CHRNA9: variants seen among roughly 807,000 people sequenced by gnomAD.
CHRNA9 encodes cholinergic receptor nicotinic alpha 9 subunit, also known as neuronal acetylcholine receptor subunit alpha-9.
CHRNA9 carries 24 observed loss-of-function variants against 36.8 expected under a neutral mutation model. The ratio of observed to expected loss-of-function variants is 0.65; its 90% CI spans 0.47 to 0.92. The LOEUF (loss-of-function observed/expected upper bound fraction) is 0.92, where lower values mean the gene tolerates loss of function less well. Among genes scored for constraint, CHRNA9 ranks in the 40% least tolerant of loss-of-function variants. CHRNA9 has a pLI of 0.00. For synonymous variants in CHRNA9, 231 were observed against 231.8 expected (o/e 1.00, Z 0.03); for missense variants, 610 against 601.2 (o/e 1.01, Z -0.15).
chr4:40,351,510 C>T (rs1712805579), intron 4 of CHRNA9, among the ~76,000 whole-genome samples: 1 of 152,006 alleles, frequency 6.6e-6, no homozygotes, highest in African/African-American at 2.4e-5. Flanking sequence ...GCCCACAGAT[C>T]TCTTGAGAAC....
chr4:40,339,595 G>A (rs776908301), intron 3 of CHRNA9, among the ~76,000 whole-genome samples: 59 of 151,218 alleles, frequency 3.9e-4, no homozygotes, highest in Non-Finnish European at 7.7e-4. Context: ...GAACCCGGGA[G>A]GCGGAGCTTG....
chr4:40,341,287 T>C (rs1021701515), intron 3 of CHRNA9, among the ~76,000 whole-genome samples: 4 of 151,828 alleles, frequency 2.6e-5, no homozygotes, highest in Non-Finnish European at 4.4e-5. Context: ...TTTTTTTTTG[T>C]TTTTTGGCGG....
intron 3 of CHRNA9, among the ~76,000 whole-genome samples, chr4:40,347,325 G>C (rs6819483): frequency 0.17 from 25,730 of 152,086 alleles, 2,794 homozygotes; most frequent in Non-Finnish European, 0.24. Context: ...CTTAAGGAAA[G>C]GGTCAGTGGA....
intron 4 of CHRNA9, among the ~76,000 whole-genome samples, chr4:40,353,427 G>A (rs1000053780): frequency 2.6e-5 from 4 of 151,744 alleles, no homozygotes; most frequent in Non-Finnish European, 5.9e-5. Context: ...GGAGCCAGAG[G>A]TTGCAGTGAG....
Position 40,349,217 on chromosome 4 carries a change from A to AGAG in CHRNA9, c.706_708dup (p.Arg236dup). ...GATGTCACATTCACCCTCCTTCTGA[A>AGAG]GAGGAGGTCCTCGTTCTATATCGTC... is the stretch of plus-strand genomic sequence containing the variant. On this transcript the variant is annotated inframe_insertion, in exon 4 of 5. Transcript: ENST00000310169. 6.2e-7 allele frequency: 1 copy of AGAG among 1,614,022 alleles called. No homozygotes were observed. Among genetic ancestry groups the AGAG allele is most frequent in the Admixed American group, 1.7e-5 (1 of 60,020 alleles).
Position 40,353,975 on chromosome 4 carries a change from C to T in CHRNA9, c.899-4C>T, listed in dbSNP as rs1485810273. 2 of 1,573,802 alleles carry T rather than the reference C, an allele frequency of 1.3e-6. No homozygotes were observed. The highest frequency in any genetic ancestry group is 1.1e-5 in the South Asian group (1 of 87,182). Reference sequence around the variant, plus strand: ...TTCAGTTACGGTTGTTATTTTAATTCCAGGTAAATACTACATAGCCACGAT... The same window carrying T: ...TTCAGTTACGGTTGTTATTTTAATTTCAGGTAAATACTACATAGCCACGAT... On this transcript the variant is annotated splice_polypyrimidine_tract_variant and splice_region_variant and intron_variant, in intron 4 of 4. Transcript: ENST00000310169.
chr4:40,344,114 A>C (rs10938389), intron 3 of CHRNA9, among the ~76,000 whole-genome samples: 67,415 of 152,080 alleles, frequency 0.44, 16,656 homozygotes, highest in East Asian at 0.82. Context: ...TGGCTTCTAG[A>C]AGGTGGAAAA....
intron 3 of CHRNA9, among the ~76,000 whole-genome samples, chr4:40,344,281 A>G (rs1712576751): frequency 6.6e-6 from 1 of 152,238 alleles, no homozygotes; most frequent in African/African-American, 2.4e-5. Context: ...CTGTAATCCC[A>G]GCACTTTGGG....
At chr4:40,344,591 T>G (rs1712586104) in intron 3 of CHRNA9, among the ~76,000 whole-genome samples, 1 of 151,092 alleles carries the variant, frequency 6.6e-6, no homozygotes, top group Non-Finnish European at 1.5e-5. Flanking sequence ...ACAGCAGCAA[T>G]AGAAATTAAT....
Position 40,337,335 on chromosome 4 carries a change from G to A in CHRNA9, c.336G>A (p.Val112=), listed in dbSNP as rs1210439249. ...LDSIRIPSDL[V]WRPDIVLYNK... Reference sequence around the variant, plus strand: ...CCATCAGGATCCCCAGTGACCTCGTGTGGAGGCCAGACATCGTCTTATATA... The same window carrying A: ...CCATCAGGATCCCCAGTGACCTCGTATGGAGGCCAGACATCGTCTTATATA... The change falls in exon 3 of 5, where the codon GTG becomes GTA. Residue 112 remains valine (V), a synonymous_variant. Coordinates refer to ENST00000310169, the MANE Select transcript of CHRNA9 (RefSeq NM_017581.4). 6.2e-7 allele frequency: 1 copy of A among 1,614,238 alleles called. No homozygotes were observed. Among genetic ancestry groups the A allele is most frequent in the Non-Finnish European group, 8.5e-7 (1 of 1,180,030 alleles).
At chr4:40,344,517 G>A (rs1712583336) in intron 3 of CHRNA9, among the ~76,000 whole-genome samples, 1 of 148,530 alleles carries the variant, frequency 6.7e-6, no homozygotes. Context: ...CTGGGCAGCA[G>A]AGTGAAATGC....
At position 40,354,113 on chromosome 4, in the gene CHRNA9, A is replaced by G. The variant is rs768985944; in HGVS notation, c.1033A>G (p.Met345Val). Residue 345 changes from methionine to valine, a missense_variant, in exon 5 of 5, where the codon ATG becomes GTG. Physicochemically the swap from Met to Val is conservative, Grantham distance 21. Transcript: ENST00000310169. ...HWARVVILKY[M>V]SRVLFVYDVG... is the part of the protein sequence containing the mutation. ...GGCCAGGGTGGTCATCCTGAAATAC[A>G]TGTCCAGGGTCTTGTTTGTCTATGA... 1.2e-6 allele frequency: 2 copies of G among 1,614,184 alleles called. No individual in the cohort carries two copies. Among genetic ancestry groups the G allele is most frequent in the Non-Finnish European group, 1.7e-6 (2 of 1,180,024 alleles).
At chr4:40,339,551 C>A (rs1416977587) in intron 3 of CHRNA9, among the ~76,000 whole-genome samples, 2 of 149,546 alleles carry the variant, frequency 1.3e-5, no homozygotes, top group Non-Finnish European at 3.0e-5. Flanking sequence ...GGTATGGTGG[C>A]AGGCACCAGG....
At chr4:40,351,076 G>C (rs573732222) in intron 4 of CHRNA9, among the ~76,000 whole-genome samples, 3 of 151,046 alleles carry the variant, frequency 2.0e-5, no homozygotes, top group Non-Finnish European at 2.9e-5. Context: ...GGTAGCTCAC[G>C]CCTGTAATCC....
Position 40,349,341 on chromosome 4 carries a change from C to A in CHRNA9, c.825C>A (p.Ile275=). 1.2e-6 allele frequency: 2 copies of A among 1,614,120 alleles called. No homozygotes were observed. The highest frequency in any genetic ancestry group is 2.7e-5 in the African/African-American group (2 of 75,046). ...SGEKVSLGVT[I]LLAMTVFQLM... The stretch of plus-strand genomic sequence containing the variant: ...AAAAGGTCTCCCTGGGAGTGACCAT[C>A]CTGTTGGCCATGACTGTATTTCAGC... Residue 275 remains isoleucine (I), a synonymous_variant, in exon 4 of 5, where the codon ATC becomes ATA. Transcript: ENST00000310169.
chr4:40,349,650 T>C (rs1048370326), intron 4 of CHRNA9: 1 of 498,400 alleles, frequency 2.0e-6, no homozygotes, highest in Non-Finnish European at 3.6e-6. Flanking sequence ...AAAGACATTA[T>C]ACTTTAGAGC....
intron 3 of CHRNA9, among the ~76,000 whole-genome samples, chr4:40,344,363 C>G (rs1162315186): frequency 1.3e-5 from 2 of 152,052 alleles, no homozygotes; most frequent in Non-Finnish European, 2.9e-5. Flanking sequence ...AGATTCCCGT[C>G]TCTACTAAAA....
chr4:40,354,300 A>T lies in CHRNA9; in HGVS notation c.1220A>T (p.Gln407Leu). Residue 407 changes from glutamine (Q) to leucine (L), a missense_variant, in exon 5 of 5, where the codon CAG becomes CTG. By Grantham distance (113) the Gln-to-Leu change is moderately radical. Transcript: ENST00000310169. ...CGCTTAAAGAACGACCTGGGCTGCC[A>T]GGGTAAGAACCCTCAGGAGGCCGAG... ...NKRLKNDLGC[Q>L]GKNPQEAESY... The T allele has an allele frequency of 6.2e-7, 1 of 1,614,208 alleles. No individual in the cohort carries two copies. The highest frequency in any genetic ancestry group is 8.5e-7 in the Non-Finnish European group (1 of 1,180,022).
chr4:40,353,490 C>CAAAA (rs201421126), intron 4 of CHRNA9, among the ~76,000 whole-genome samples: 1 of 104,988 alleles, frequency 9.5e-6, no homozygotes. Flanking sequence ...GACTCTGTCT[C>CAAAA]AAAAAAAAAA....
Sources: gnomAD v4.1 joint callset for allele counts (sites outside exome capture counted in the v4.1 genomes callset) on GRCh38, gnomAD v4.1.1 for gene constraint, MANE v1.5 for transcripts, NCBI Gene and HGNC (gene_info 2026-07-23, HGNC 2026-07-21) for gene names.